Variants in CMIP observed in about 807,000 individuals in gnomAD.
CMIP encodes C-Maf-inducing protein.
A neutral mutation model predicts 97.3 loss-of-function variants in CMIP; 13 were observed. That is an observed-to-expected ratio of 0.13 (90% CI 0.09 to 0.21). The LOEUF (loss-of-function observed/expected upper bound fraction) is 0.21. Among genes scored for constraint, CMIP ranks in the 10% least tolerant of loss-of-function variants. The pLI, the probability that CMIP is intolerant of heterozygous loss-of-function variation, is 1.00. For missense variants in CMIP, 847 were observed against 1,024.9 expected (o/e 0.83, Z 2.37); for synonymous variants, 538 against 436.3 (o/e 1.23, Z -2.91).
intron 1 of CMIP, among the ~76,000 whole-genome samples, chr16:81,597,772 C>G (rs78124310): frequency 0.043 from 6,537 of 152,218 alleles, 207 homozygotes; most frequent in East Asian, 0.17. Context: ...GTCAAAGATG[C>G]CCAGTGGCAC....
chr16:81,492,529 C>T (rs887352021), intron 1 of CMIP, among the ~76,000 whole-genome samples: 3 of 152,166 alleles, frequency 2.0e-5, no homozygotes, highest in Admixed American at 2.0e-4. Context: ...GTTTCAGTGG[C>T]ATCGCGGTGG....
chr16:81,638,777 C>T (rs151192791), intron 3 of CMIP, among the ~76,000 whole-genome samples: 1,676 of 152,206 alleles, frequency 0.011, 40 homozygotes, highest in African/African-American at 0.038. Context: ...TGCCTCCTGT[C>T]CGCACAGCCT....
At position 81,539,011 on chromosome 16, in the gene CMIP, T is replaced by C. The variant is rs76641553; in HGVS notation, c.301-68556T>C. Among the ~76,000 whole-genome samples the C allele has an allele frequency of 1.6e-3, 239 of 152,346 alleles. 1 individual carries two copies. Among genetic ancestry groups the C allele is most frequent in the African/African-American group, 5.6e-3 (234 of 41,570 alleles). ...GGTCAGACAACAGTATTTATATTCA[T>C]GCACACAGAAAATTCGATTAGATAG... On this transcript the variant is annotated intron_variant, in intron 1 of 20. Coordinates refer to ENST00000537098, the MANE Select transcript of CMIP (RefSeq NM_198390.3).
rs1036641758 is a variant in CMIP, at chr16:81,711,660, C to T, written c.*1861C>T. ...AAACAAGACATGCCACCTTTCCCCT[C>T]GCACTGTTGCTTTTCCTGATGGTTA... On this transcript the variant is annotated 3_prime_UTR_variant, in exon 21 of 21. Transcript: ENST00000537098. 1 of 151,470 alleles carries T rather than the reference C, an allele frequency of 6.6e-6. No individual in the cohort carries two copies. Among genetic ancestry groups the T allele is most frequent in the South Asian group, 2.1e-4 (1 of 4,780 alleles). 9.4% of individuals were successfully genotyped at this position (151,470 alleles called of 1,614,324 possible).
chr16:81,686,686 G>T (rs141510608), intron 10 of CMIP, among the ~76,000 whole-genome samples: 1 of 152,154 alleles, frequency 6.6e-6, no homozygotes, highest in African/African-American at 2.4e-5. Flanking sequence ...CCACTCTATC[G>T]TGGGCTTATT....
chr16:81,581,224 A>G (rs1395087726), intron 1 of CMIP, among the ~76,000 whole-genome samples: 1 of 152,174 alleles, frequency 6.6e-6, no homozygotes, highest in African/African-American at 2.4e-5. Flanking sequence ...GTCGTGAATA[A>G]GCGGCCGTGA....
intron 1 of CMIP, among the ~76,000 whole-genome samples, chr16:81,512,627 C>A (rs1052426446): frequency 6.6e-6 from 1 of 151,968 alleles, no homozygotes; most frequent in African/African-American, 2.4e-5. Flanking sequence ...TTTGTAGCAT[C>A]TTCCAAAGGT....
At position 81,638,388 on chromosome 16, in the gene CMIP, A is replaced by G. The variant is rs547124795; in HGVS notation, c.478-13815A>G. ...CCGGGCACAGCCCTCCCCCCAGAGC[A>G]TCTTGACACAGGAATGAGCAGAAGA... On this transcript the variant is annotated intron_variant, in intron 3 of 20. Transcript: ENST00000537098. Among the ~76,000 whole-genome samples, 452 of 152,218 alleles carry G rather than the reference A, an allele frequency of 3.0e-3. 4 individuals are homozygous for G. The highest frequency in any genetic ancestry group is 3.4e-3 in the Non-Finnish European group (228 of 68,010).
chr16:81,530,146 CA>C (rs980785156), intron 1 of CMIP, among the ~76,000 whole-genome samples: 7 of 152,124 alleles, frequency 4.6e-5, no homozygotes, highest in Admixed American at 1.3e-4. Flanking sequence ...AAATTAAGCC[CA>C]GGGGGAAAAT....
rs377382733 is a variant in CMIP at position 81,691,862 on chromosome 16, G to A, written c.1454+22G>A. 619 of 1,605,046 alleles carry A rather than the reference G, an allele frequency of 3.9e-4. 2 individuals carry two copies. The East Asian group carries it at 7.5e-3, about 19-fold the overall frequency. On this transcript the variant is annotated intron_variant, in intron 11 of 20. Transcript: ENST00000537098. ...AAGAGTAAGTCCCGTGTGCATCCCC[G>A]GAGCCCTCCCACCTGTGAGACAAAC...
Position 81,710,169 on chromosome 16 carries a change from A to T in CMIP, c.*370A>T. On this transcript the variant is annotated 3_prime_UTR_variant, in exon 21 of 21. Transcript: ENST00000537098. ...TGTGGGAAAAGTCAACTCCGATGCC[A>T]CCATTGCGGGCCGGACGAAGGATGC... The T allele has an allele frequency of 3.5e-6, 1 of 285,472 alleles. No individual in the cohort carries two copies. The allele number at this position is 285,472 out of a possible 1,614,324, so 17.7% of individuals were successfully genotyped here.
Position 81,637,847 on chromosome 16 carries a change from A to T in CMIP, c.478-14356A>T, listed in dbSNP as rs1475826841. Reference sequence around the variant, plus strand: ...CATGGTTCTAGAGGCCAGGAAGTCCACCATCAAGGTAGATTGGTGAGGGCT... The same window carrying T: ...CATGGTTCTAGAGGCCAGGAAGTCCTCCATCAAGGTAGATTGGTGAGGGCT... On this transcript the variant is annotated intron_variant, in intron 3 of 20. Transcript: ENST00000537098. 2.1e-4 allele frequency among the ~76,000 whole-genome samples: 32 copies of T among 152,188 alleles called. 1 individual carries two copies. The highest frequency in any genetic ancestry group is 4.4e-5 in the Non-Finnish European group (3 of 68,032).
intron 10 of CMIP, among the ~76,000 whole-genome samples, chr16:81,679,826 G>A (rs1335770009): frequency 2.6e-5 from 4 of 152,104 alleles, no homozygotes; most frequent in Non-Finnish European, 4.4e-5. Flanking sequence ...TCTCAAACCC[G>A]TGAGCACCTG....
intron 3 of CMIP, among the ~76,000 whole-genome samples, chr16:81,644,883 C>T (rs151108996): frequency 7.2e-5 from 11 of 152,270 alleles, no homozygotes; most frequent in Middle Eastern, 3.4e-3. Context: ...GCCCTTTCCT[C>T]GGGCCGAACG....
chr16:81,696,675 G>C lies in CMIP; in HGVS notation c.1638+8G>C. On this transcript the variant is annotated splice_region_variant and intron_variant, in intron 14 of 20. Transcript: ENST00000537098. Reference sequence around the variant, plus strand: ...GAGCTGTTCGCCAGCATGGTACGCAGTGGGACCCCAGTGGGGTGACTTCCA... The same window carrying C: ...GAGCTGTTCGCCAGCATGGTACGCACTGGGACCCCAGTGGGGTGACTTCCA... 1 of 1,603,808 alleles carries C rather than the reference G, an allele frequency of 6.2e-7. No individual in the cohort carries two copies. The highest frequency in any genetic ancestry group is 8.5e-7 in the Non-Finnish European group (1 of 1,179,348).
At chr16:81,478,259 T>A (rs546167474) in intron 1 of CMIP, among the ~76,000 whole-genome samples, 2 of 152,122 alleles carry the variant, frequency 1.3e-5, no homozygotes, top group South Asian at 4.2e-4. Context: ...TGTAGCACAG[T>A]GGAAGGAAGC....
intron 1 of CMIP, among the ~76,000 whole-genome samples, chr16:81,534,511 TA>T (rs1364485506): frequency 6.6e-6 from 1 of 152,174 alleles, no homozygotes; most frequent in African/African-American, 2.4e-5. Flanking sequence ...TTGTTTGAGG[TA>T]TTTATTGATA....
chr16:81,464,732 C>G (rs1017870216), intron 1 of CMIP: 5 of 152,280 alleles, frequency 3.3e-5, no homozygotes, highest in African/African-American at 7.2e-5. Flanking sequence ...TCGTCCCAGC[C>G]CCTGGTCACT....
rs573783799 is a variant in CMIP at position 81,455,557 on chromosome 16, C to G, written c.300+10016C>G. Among the ~76,000 whole-genome samples, 10 of 152,330 alleles carry G rather than the reference C, an allele frequency of 6.6e-5. No individual in the cohort carries two copies. The South Asian group carries it at 2.1e-3, about 32-fold the overall frequency. ...CGTAAGTGCGAGTTCTACCACTCCC[C>G]TGCTGCAGGGCTCTGTCCGTACTGA... On this transcript the variant is annotated intron_variant, in intron 1 of 20. Transcript: ENST00000537098.
Sources: gnomAD v4.1 joint callset for allele counts (sites outside exome capture counted in the v4.1 genomes callset) on GRCh38, gnomAD v4.1.1 for gene constraint, MANE v1.5 for transcripts, NCBI Gene and HGNC (gene_info 2026-07-23, HGNC 2026-07-21) for gene names.